Variants in SLCO1A2 observed in about 807,000 individuals in gnomAD.
SLCO1A2 encodes solute carrier organic anion transporter family member 1A2, also known as OATP-1.
Under a neutral mutation model 69.0 loss-of-function variants are expected in SLCO1A2, and 67 were observed. That is an observed-to-expected ratio of 0.97 (90% CI 0.80 to 1.19). The LOEUF is 1.19. Among genes scored for constraint, SLCO1A2 ranks in the 50% most tolerant of loss-of-function variants. The probability of loss-of-function intolerance (pLI) is 0.00; values close to 1 mark genes in which losing one functional copy is unlikely to be tolerated. For synonymous variants in SLCO1A2, 260 were observed against 265.9 expected (o/e 0.98, Z 0.22); for missense variants, 787 against 793.7 (o/e 0.99, Z 0.10).
Position 21,267,478 on chromosome 12 carries a change from T to C in SLCO1A2, c.*2070A>G, listed in dbSNP as rs1312864830. Reference sequence around the variant, plus strand: ...CACCTCGCCTAATTTTGACACTCACTGTTTCACCAACACTATCTGCCTTGA... The same window carrying C: ...CACCTCGCCTAATTTTGACACTCACCGTTTCACCAACACTATCTGCCTTGA... On this transcript the variant is annotated 3_prime_UTR_variant, in exon 15 of 15. Coordinates refer to ENST00000683939, the MANE Select transcript of SLCO1A2 (RefSeq NM_001386879.1). 2.0e-5 allele frequency: 3 copies of C among 152,206 alleles called. No individual in the cohort carries two copies. The highest frequency in any genetic ancestry group is 4.4e-5 in the Non-Finnish European group (3 of 68,056). 9.4% of individuals were successfully genotyped at this position (152,206 alleles called of 1,614,324 possible). A position where few individuals can be genotyped will look rare whatever the true frequency, so the allele number is the denominator to read the frequency against.
Position 21,282,518 on chromosome 12 carries a change from G to C in SLCO1A2, c.1611-7094C>G, listed in dbSNP as rs535479644. Among the ~76,000 whole-genome samples, 17 of 152,174 alleles carry C rather than the reference G, an allele frequency of 1.1e-4. No individual in the cohort carries two copies. In the East Asian group the frequency reaches 3.3e-3, roughly 29 times the overall value. On this transcript the variant is annotated intron_variant, in intron 12 of 14. Transcript: ENST00000683939. ...GGGAAAAACTGAAAGCCCTTATTCT[G>C]TAATCTGGGACATAACAAGGATGCC...
At chr12:21,349,980 C>T (rs1937798218) in intron 2 of SLCO1A2, among the ~76,000 whole-genome samples, 1 of 152,168 alleles carries the variant, frequency 6.6e-6, no homozygotes, top group Non-Finnish European at 1.5e-5. Context: ...CCCTTCCCAA[C>T]ATTCAGTGAC....
chr12:21,397,477 C>T (rs1346183589), upstream of SLCO1A2, among the ~76,000 whole-genome samples: 3 of 151,742 alleles, frequency 2.0e-5, no homozygotes, highest in African/African-American at 7.3e-5. Context: ...GACAGAAAGT[C>T]AACAAGGATA....
At chr12:21,345,658 A>T (rs1319390300) in intron 2 of SLCO1A2, among the ~76,000 whole-genome samples, 1 of 152,114 alleles carries the variant, frequency 6.6e-6, no homozygotes, top group East Asian at 1.9e-4. Context: ...TATTTTTTCC[A>T]TTTTAAGTCT....
At chr12:21,297,792 C>T (rs1212325681) in intron 8 of SLCO1A2, among the ~76,000 whole-genome samples, 3 of 152,184 alleles carry the variant, frequency 2.0e-5, no homozygotes, top group Non-Finnish European at 4.4e-5. Flanking sequence ...CAGAACACAA[C>T]AGTTTTGCCC....
chr12:21,355,898 A>G (rs1357208721), intron 2 of SLCO1A2, among the ~76,000 whole-genome samples: 2 of 152,196 alleles, frequency 1.3e-5, no homozygotes, highest in South Asian at 2.1e-4. Flanking sequence ...TAAAATGGCC[A>G]AGAAGTATTT....
intron 12 of SLCO1A2, among the ~76,000 whole-genome samples, chr12:21,281,276 C>A (rs1471221872): frequency 6.6e-6 from 1 of 151,902 alleles, no homozygotes; most frequent in Non-Finnish European, 1.5e-5. Context: ...ATGGTGAAAT[C>A]CCGTCTCTAC....
chr12:21,287,445 C>T (rs1349364044), intron 12 of SLCO1A2, among the ~76,000 whole-genome samples: 1 of 115,900 alleles, frequency 8.6e-6, no homozygotes, highest in African/African-American at 3.6e-5. Context: ...TTGTGGAAGT[C>T]AGTGTGGCGA....
chr12:21,274,659 T>A (rs1371530905), intron 13 of SLCO1A2, 73 bp from the exon 14 acceptor site: 2 of 1,082,596 alleles, frequency 1.8e-6, no homozygotes, highest in African/African-American at 3.1e-5. Flanking sequence ...ATATTTCAAT[T>A]TTCTTTATTT....
chr12:21,379,342 T>G (rs1489036208), intron 1 of SLCO1A2: 3 of 152,220 alleles, frequency 2.0e-5, no homozygotes, highest in Non-Finnish European at 4.4e-5. Flanking sequence ...TTAGCAGCAG[T>G]GAGCTTCTAT....
upstream of SLCO1A2, among the ~76,000 whole-genome samples, chr12:21,338,587 G>A (rs577086688): frequency 6.6e-5 from 10 of 151,886 alleles, no homozygotes; most frequent in South Asian, 8.3e-4. Flanking sequence ...TTCTCCTATC[G>A]CAGTAGTCCC....
upstream of SLCO1A2, among the ~76,000 whole-genome samples, chr12:21,337,822 T>C (rs551106264): frequency 6.6e-6 from 1 of 152,038 alleles, no homozygotes; most frequent in South Asian, 2.1e-4. Flanking sequence ...ATATAAGTAT[T>C]ATTTTACTTT....
At chr12:21,279,190 T>G (rs574347443) in intron 12 of SLCO1A2, among the ~76,000 whole-genome samples, 1 of 151,706 alleles carries the variant, frequency 6.6e-6, no homozygotes, top group Non-Finnish European at 1.5e-5. Flanking sequence ...TAAAAAAAAG[T>G]GAAGTGCACC....
intron 1 of SLCO1A2, among the ~76,000 whole-genome samples, chr12:21,386,150 G>T (rs923453984): frequency 2.0e-5 from 3 of 152,206 alleles, no homozygotes; most frequent in Non-Finnish European, 4.4e-5. Flanking sequence ...AGATACTATA[G>T]TAGGGTCATT....
At chr12:21,310,425 T>A (rs980212889) in intron 4 of SLCO1A2, among the ~76,000 whole-genome samples, 7 of 152,268 alleles carry the variant, frequency 4.6e-5, no homozygotes, top group African/African-American at 1.7e-4. Context: ...AGTCATCATC[T>A]TCTGCTGGTA....
At chr12:21,373,403 A>T in intron 2 of SLCO1A2, 13 of 1,613,392 alleles carry the variant, frequency 8.1e-6, no homozygotes, top group Non-Finnish European at 1.0e-5. Context: ...TGTTGCATTG[A>T]ACCATCTGAA....
intron 2 of SLCO1A2, among the ~76,000 whole-genome samples, chr12:21,319,818 A>G (rs1040732756): frequency 1.4e-4 from 22 of 152,198 alleles, no homozygotes; most frequent in Non-Finnish European, 2.9e-4. Context: ...GAGTTCACAG[A>G]TAGAACCACT....
At position 21,267,123 on chromosome 12, in the gene SLCO1A2, AAAGC is replaced by A. The variant is rs878987574; in HGVS notation, c.*2421_*2424del. 2.6e-5 allele frequency: 4 copies of A among 152,264 alleles called. No homozygotes were observed. In the South Asian group the frequency reaches 8.3e-4, roughly 32 times the overall value. The allele number at this position is 152,264 out of a possible 1,614,324, so 9.4% of individuals were successfully genotyped here. On this transcript the variant is annotated 3_prime_UTR_variant, in exon 15 of 15. Transcript: ENST00000683939. ...AACAAAAGAGGTCATGAGGGATCCCAAAGCACTCCAACACCCACTTTCTCTGACC... is the reference window on the plus strand; with the variant it reads ...AACAAAAGAGGTCATGAGGGATCCCAACTCCAACACCCACTTTCTCTGACC...
At chr12:21,393,996 C>T (rs1341108164) in intron 1 of SLCO1A2, among the ~76,000 whole-genome samples, 2 of 152,142 alleles carry the variant, frequency 1.3e-5, no homozygotes, top group African/African-American at 2.4e-5. Flanking sequence ...AATAACAGAA[C>T]TGATAATAAA....
Sources: allele counts gnomAD v4.1 joint callset (sites outside exome capture counted in the v4.1 genomes callset), GRCh38; gene constraint gnomAD v4.1.1; transcripts MANE v1.5; gene names NCBI Gene and HGNC (gene_info 2026-07-23, HGNC 2026-07-21).